Variants in DOK6 observed in about 807,000 individuals in gnomAD.
DOK6 encodes downstream of tyrosine kinase 6.
Under a neutral mutation model 44.0 loss-of-function variants are expected in DOK6, and 22 were observed. That is an observed-to-expected ratio of 0.50 (90% confidence interval 0.36 to 0.71). The LOEUF (loss-of-function observed/expected upper bound fraction) is 0.71. Ranked by LOEUF, DOK6 falls within the 30% of genes least tolerant of loss-of-function variation. DOK6 has a pLI of 0.00. For missense variants in DOK6, 340 were observed against 416.4 expected (o/e 0.82, Z 1.60); for synonymous variants, 166 against 145.5 (o/e 1.14, Z -1.01).
At chr18:69,543,368 T>A (rs1476969216) in intron 1 of DOK6, among the ~76,000 whole-genome samples, 1 of 151,610 alleles carries the variant, frequency 6.6e-6, no homozygotes, top group Admixed American at 6.6e-5. Context: ...TGAGAAGCGA[T>A]AAGTATGAGG....
At chr18:69,828,039 T>C (rs1401821680) in intron 7 of DOK6, among the ~76,000 whole-genome samples, 1 of 151,902 alleles carries the variant, frequency 6.6e-6, no homozygotes, top group South Asian at 2.1e-4. Context: ...TTCAGATCTC[T>C]ATCTAAACCG....
chr18:69,460,420 C>T (rs1376044344), intron 1 of DOK6, among the ~76,000 whole-genome samples: 1 of 151,962 alleles, frequency 6.6e-6, no homozygotes, highest in East Asian at 1.9e-4. Flanking sequence ...ATAAAATATA[C>T]ATATATTGAG....
intron 1 of DOK6, among the ~76,000 whole-genome samples, chr18:69,437,755 T>A (rs970720388): frequency 6.6e-5 from 10 of 152,174 alleles, no homozygotes; most frequent in Non-Finnish European, 1.2e-4. Flanking sequence ...TTATCTGGAT[T>A]TTATCATATC....
rs565658122 is a variant in DOK6 at position 69,507,270 on chromosome 18, G to A, written c.67-57217G>A. Among the ~76,000 whole-genome samples the A allele has an allele frequency of 5.1e-3, 778 of 151,186 alleles. 4 individuals are homozygous for A. The highest frequency in any genetic ancestry group is 0.015 in the African/African-American group (613 of 41,458). ...TCTTGATCTCCTGACCTTGTGATCC[G>A]CCCACCTCGGCCTCCCAAAGTGCTG... is the stretch of plus-strand genomic sequence containing the variant. On this transcript the variant is annotated intron_variant, in intron 1 of 7. Transcript: ENST00000382713.
chr18:69,508,064 A>AT (rs565662957), intron 1 of DOK6, among the ~76,000 whole-genome samples: 1 of 151,972 alleles, frequency 6.6e-6, no homozygotes, highest in African/African-American at 2.4e-5. Context: ...TTCCTAGTAT[A>AT]TTTTTTTCAT....
At chr18:69,693,976 G>C (rs749629813) in intron 4 of DOK6, among the ~76,000 whole-genome samples, 1 of 146,428 alleles carries the variant, frequency 6.8e-6, no homozygotes, top group East Asian at 2.0e-4. Flanking sequence ...GGAGAATGGC[G>C]TGAACCCGGG....
chr18:69,594,225 G>C (rs540406644), intron 2 of DOK6, among the ~76,000 whole-genome samples: 1 of 150,858 alleles, frequency 6.6e-6, no homozygotes, highest in Non-Finnish European at 1.5e-5. Context: ...TTTTCAGATA[G>C]ATGGATGGAC....
intron 6 of DOK6, among the ~76,000 whole-genome samples, chr18:69,752,861 T>C (rs571989002): frequency 2.6e-5 from 4 of 152,146 alleles, no homozygotes; most frequent in Non-Finnish European, 4.4e-5. Flanking sequence ...TGGATGGTGC[T>C]GCATATTACC....
chr18:69,829,049 C>CAA (rs903959441), intron 7 of DOK6, among the ~76,000 whole-genome samples: 11 of 149,268 alleles, frequency 7.4e-5, no homozygotes, highest in Non-Finnish European at 1.3e-4. Flanking sequence ...AGTAAAGCAG[C>CAA]AAAAAGGAGA....
intron 1 of DOK6, among the ~76,000 whole-genome samples, chr18:69,496,156 C>T (rs1056512544): frequency 6.6e-6 from 1 of 152,224 alleles, no homozygotes; most frequent in African/African-American, 2.4e-5. Flanking sequence ...GGGCAGGTTT[C>T]CTGCCTGCTC....
chr18:69,605,076 TTGTGTGTGTGTGTG>T (rs71176987), intron 3 of DOK6, among the ~76,000 whole-genome samples: 68 of 125,858 alleles, frequency 5.4e-4, no homozygotes, highest in Middle Eastern at 4.2e-3. Flanking sequence ...AGAGATCCCT[TTGTGTGTGTGTGTG>T]TGTGTGTGTG....
At chr18:69,578,431 T>C (rs115986493) in intron 2 of DOK6, among the ~76,000 whole-genome samples, 1,906 of 152,296 alleles carry the variant, frequency 0.013, 42 homozygotes, top group African/African-American at 0.043. Flanking sequence ...AAATAATTCA[T>C]ATCAACTTTA....
chr18:69,488,951 C>T (rs980211990), intron 1 of DOK6, among the ~76,000 whole-genome samples: 1 of 152,196 alleles, frequency 6.6e-6, no homozygotes, highest in African/African-American at 2.4e-5. Context: ...GAGAAATAGG[C>T]TCAGGTTTCT....
chr18:69,827,938 A>G (rs576390036), intron 7 of DOK6, among the ~76,000 whole-genome samples: 1 of 152,098 alleles, frequency 6.6e-6, no homozygotes, highest in South Asian at 2.1e-4. Flanking sequence ...CGTTTTAAGA[A>G]CTATAAACTT....
chr18:69,513,366 A>G (rs996863239), intron 1 of DOK6, among the ~76,000 whole-genome samples: 3 of 152,198 alleles, frequency 2.0e-5, no homozygotes, highest in African/African-American at 4.8e-5. Flanking sequence ...GTGGGTGCGC[A>G]CACACATATA....
intron 3 of DOK6, among the ~76,000 whole-genome samples, chr18:69,628,844 G>C (rs996279749): frequency 1.3e-5 from 2 of 152,164 alleles, no homozygotes; most frequent in Non-Finnish European, 1.5e-5. Flanking sequence ...TGTGGGAAAG[G>C]CTTGTTGATG....
At chr18:69,568,523 G>A (rs1481920442) in intron 2 of DOK6, among the ~76,000 whole-genome samples, 1 of 152,170 alleles carries the variant, frequency 6.6e-6, no homozygotes, top group Non-Finnish European at 1.5e-5. Context: ...GCTTTAGGCT[G>A]GGGGCAGATG....
chr18:69,665,682 T>C (rs1985638861), intron 3 of DOK6, among the ~76,000 whole-genome samples: 1 of 152,242 alleles, frequency 6.6e-6, no homozygotes, highest in Admixed American at 6.5e-5. Context: ...CCAAAAGCGA[T>C]TGACTTTTTT....
At chr18:69,564,386 C>A in intron 1 of DOK6, 101 bp from the exon 2 acceptor site, 4 of 857,466 alleles carry the variant, frequency 4.7e-6, no homozygotes, top group Middle Eastern at 2.4e-4. Flanking sequence ...AAAACAGTTC[C>A]TCTCTGAAGT....
Sources: gnomAD v4.1 joint callset for allele counts (sites outside exome capture counted in the v4.1 genomes callset) on GRCh38, gnomAD v4.1.1 for gene constraint, MANE v1.5 for transcripts, NCBI Gene and HGNC (gene_info 2026-07-23, HGNC 2026-07-21) for gene names.